The following PRR33 variants were observed in gnomAD, a reference collection of about 807,000 sequenced individuals.
PRR33 encodes proline-rich protein 33.
PRR33 carries 1 observed loss-of-function variant against 0.5 expected under a neutral mutation model. The observed-to-expected ratio is 2.18, with a 90% CI of 0.77 to 10.34. The LOEUF is 10.34. PRR33 is among the 30% of genes most tolerant of loss of function. The pLI is 0.13. For synonymous variants in PRR33, 226 were observed against 110.0 expected, an observed-to-expected ratio of 2.06 and a Z score of -6.60; for missense variants, 552 against 251.8, an observed-to-expected ratio of 2.19 and a Z score of -8.07.
the PRR33 span, among the ~76,000 whole-genome samples, chr11:1,902,242 A>C: frequency 1.1e-3 from 165 of 151,888 alleles, no homozygotes; most frequent in African/African-American, 3.7e-3. Flanking sequence ...AAAAAAAAAA[A>C]AAAAACACAC....
At chr11:1,898,365 A>G in the PRR33 span, among the ~76,000 whole-genome samples, 2 of 151,902 alleles carry the variant, frequency 1.3e-5, no homozygotes, top group African/African-American at 4.8e-5. Context: ...CCTCACGATT[A>G]GTTGAGATTA....
chr11:1,914,767 T>G, the PRR33 span, among the ~76,000 whole-genome samples: 1 of 147,952 alleles, frequency 6.8e-6, no homozygotes, highest in Non-Finnish European at 1.5e-5. Flanking sequence ...TGTTTCTGTG[T>G]CTTTGTGTGT....
chr11:1,905,122 CTTTTTT>C, the PRR33 span, among the ~76,000 whole-genome samples: 2 of 96,578 alleles, frequency 2.1e-5, no homozygotes, highest in African/African-American at 4.1e-5. Context: ...CTTGAGAATT[CTTTTTT>C]TTTTTTTTTT....
At chr11:1,889,950 G>A (rs576344407) in exon 1 of PRR33, 15 of 630,248 alleles carry the variant, frequency 2.4e-5, no homozygotes, top group Non-Finnish European at 4.1e-5. Context: ...ACTTGGGGTG[G>A]CATCTCCATC....
chr11:1,902,828 T>C, the PRR33 span: 1 of 152,062 alleles, frequency 6.6e-6, no homozygotes, highest in South Asian at 2.1e-4. Flanking sequence ...TGGTTGCCCA[T>C]TTTTTGGTTA....
the PRR33 span, among the ~76,000 whole-genome samples, chr11:1,897,012 T>C: frequency 3.3e-5 from 5 of 152,308 alleles, no homozygotes; most frequent in African/African-American, 1.2e-4. This position sits in a 1 kb window ranked among gnomAD's most constrained non-coding sequence, Gnocchi z 4.0. Context: ...GGCTGAAGAT[T>C]GGTGGACAGA....
exon 1 of PRR33, chr11:1,890,147 G>A (rs1000903936): frequency 2.8e-6 from 2 of 717,128 alleles, no homozygotes; most frequent in East Asian, 2.7e-5. Flanking sequence ...CCATGGCCCT[G>A]AATTGAGCAG....
exon 1 of PRR33, chr11:1,890,380 C>T (rs377718111): frequency 2.0e-5 from 14 of 716,626 alleles, no homozygotes; most frequent in East Asian, 2.7e-5. Context: ...GCCTCACTCA[C>T]GGGGGACAGG....
At chr11:1,897,070 AG>A in the PRR33 span, among the ~76,000 whole-genome samples, 1 of 152,228 alleles carries the variant, frequency 6.6e-6, no homozygotes. This position sits in a 1 kb window ranked among gnomAD's most constrained non-coding sequence, Gnocchi z 4.0. Context: ...AGAAACCGCC[AG>A]AGGGGCTGCA....
At chr11:1,904,952 TAAAG>T in the PRR33 span, among the ~76,000 whole-genome samples, 1 of 152,068 alleles carries the variant, frequency 6.6e-6, no homozygotes, top group African/African-American at 2.4e-5. Flanking sequence ...CTGATATTCT[TAAAG>T]AACCAAGTTT....
upstream of PRR33, among the ~76,000 whole-genome samples, chr11:1,893,266 G>A (rs111163763): frequency 5.6e-5 from 8 of 143,188 alleles, no homozygotes; most frequent in East Asian, 6.7e-4. Context: ...GAATGGTTGG[G>A]TGGGTGAGTG....
At chr11:1,899,733 G>A in the PRR33 span, among the ~76,000 whole-genome samples, 1 of 152,160 alleles carries the variant, frequency 6.6e-6, no homozygotes, top group Non-Finnish European at 1.5e-5. Flanking sequence ...AGTGAAACAA[G>A]TACATCTATC....
chr11:1,904,740 C>T, the PRR33 span, among the ~76,000 whole-genome samples: 1 of 151,682 alleles, frequency 6.6e-6, no homozygotes, highest in Admixed American at 6.6e-5. Context: ...AACTCCTGAC[C>T]TCAGGTGATC....
chr11:1,890,593 C>T (rs1565092082), exon 1 of PRR33: 2 of 702,998 alleles, frequency 2.8e-6, no homozygotes, highest in Admixed American at 2.0e-5. Flanking sequence ...ATGACTGTGT[C>T]CTAGGGTGGG....
At chr11:1,910,971 T>G in the PRR33 span, among the ~76,000 whole-genome samples, 1 of 152,234 alleles carries the variant, frequency 6.6e-6, no homozygotes, top group South Asian at 2.1e-4. Context: ...AACTAATTCT[T>G]GATCAGTGAT....
upstream of PRR33, among the ~76,000 whole-genome samples, chr11:1,894,885 C>T (rs975862781): frequency 2.0e-5 from 3 of 152,130 alleles, no homozygotes; most frequent in South Asian, 2.1e-4. Flanking sequence ...TGTTCAGAAA[C>T]GGCCTAGCTC....
exon 1 of PRR33, chr11:1,889,306 G>T: frequency 1.4e-6 from 1 of 706,120 alleles, no homozygotes; most frequent in Non-Finnish European, 2.6e-6. Context: ...AGGCTGGCTG[G>T]GGTGTGCTCC....
At position 1,889,340 on chromosome 11, in the gene PRR33, C is replaced by T. The variant is rs1423025590; in HGVS notation, c.1245G>A (p.Gly415=). Residue 415 remains glycine, a synonymous_variant, in exon 1 of 1, where the codon GGG becomes GGA. Transcript: ENST00000640310. Reference sequence around the variant, plus strand: ...CCCCACCGCTGGGCCCTGCCAGGCGCCCTTGGGCCTCCGCCACTGACATGC... The same window carrying T: ...CCCCACCGCTGGGCCCTGCCAGGCGTCCTTGGGCCTCCGCCACTGACATGC... 5.6e-6 allele frequency: 4 copies of T among 711,492 alleles called. No individual in the cohort carries two copies. The Admixed American group carries it at 8.0e-5, about 14-fold the overall frequency. The allele number at this position is 711,492 out of a possible 1,614,324, so 44.1% of individuals were successfully genotyped here.
the PRR33 span, among the ~76,000 whole-genome samples, chr11:1,915,783 T>C: frequency 1.9e-5 from 1 of 52,118 alleles, no homozygotes; most frequent in Non-Finnish European, 3.7e-5. Flanking sequence ...GAAGGGAGGG[T>C]GGATGAAGGG....
Sources: gnomAD v4.1 joint callset for allele counts (sites outside exome capture counted in the v4.1 genomes callset) on GRCh38, gnomAD v4.1.1 for gene constraint, Gnocchi (gnomAD v3.1) non-coding constraint, MANE v1.5 for transcripts, NCBI Gene and HGNC (gene_info 2026-07-23, HGNC 2026-07-21) for gene names.